Variants in TYW1B observed in about 807,000 individuals in gnomAD.
The protein encoded by TYW1B is S-adenosyl-L-methionine-dependent tRNA 4-demethylwyosine synthase TYW1B.
TYW1B carries 73 observed loss-of-function variants against 86.9 expected under a neutral mutation model. That is an observed-to-expected ratio of 0.84 (90% confidence interval 0.70 to 1.02). The LOEUF is 1.02. Among genes scored for constraint, TYW1B ranks in the 50% least tolerant of loss-of-function variants. The probability of loss-of-function intolerance (pLI) is 0.00; values close to 1 mark genes in which losing one functional copy is unlikely to be tolerated. For synonymous variants in TYW1B, 248 were observed against 292.8 expected, an observed-to-expected ratio of 0.85 and a Z score of 1.56; for missense variants, 637 against 827.4, an observed-to-expected ratio of 0.77 and a Z score of 2.82.
intron 11 of TYW1B, among the ~76,000 whole-genome samples, chr7:72,657,280 T>C (rs1455557463): frequency 5.9e-5 from 9 of 152,118 alleles, no homozygotes. Flanking sequence ...GACAAGGCTT[T>C]TGAAACAACT....
chr7:72,764,339 G>A (rs1478395609), intron 7 of TYW1B, among the ~76,000 whole-genome samples: 17 of 152,278 alleles, frequency 1.1e-4, no homozygotes, highest in Admixed American at 7.8e-4. Context: ...CTGGAGTGCA[G>A]TGGGGCGATC....
chr7:72,591,147 C>CAAA (rs879992691), intron 13 of TYW1B, among the ~76,000 whole-genome samples: 2 of 137,170 alleles, frequency 1.5e-5, no homozygotes, highest in African/African-American at 5.4e-5. Flanking sequence ...ATCCGAATAG[C>CAAA]AAAAAAAAAA....
chr7:72,769,073 G>A (rs1428326466), intron 7 of TYW1B: 19 of 380,912 alleles, frequency 5.0e-5, no homozygotes, highest in African/African-American at 2.2e-4. Flanking sequence ...CAAGGAACAC[G>A]GAGGCTAGTC....
At chr7:72,602,193 A>G (rs1209997316) in intron 13 of TYW1B, among the ~76,000 whole-genome samples, 2 of 152,186 alleles carry the variant, frequency 1.3e-5, no homozygotes, top group Admixed American at 6.6e-5. Context: ...AAACGGGTGG[A>G]GTCTGCAAGA....
chr7:72,615,163 A>C (rs1318495319), intron 13 of TYW1B, among the ~76,000 whole-genome samples: 2 of 152,258 alleles, frequency 1.3e-5, no homozygotes, highest in Non-Finnish European at 2.9e-5. Context: ...TGAAGAACTG[A>C]ATTGGCTTGA....
At chr7:72,698,593 C>T (rs1262863900) in intron 10 of TYW1B, among the ~76,000 whole-genome samples, 1 of 151,100 alleles carries the variant, frequency 6.6e-6, no homozygotes, top group East Asian at 1.9e-4. Context: ...CTGCAGTGAG[C>T]CGAGATCACG....
chr7:72,670,012 T>G (rs1813558986), intron 11 of TYW1B, among the ~76,000 whole-genome samples: 1 of 152,032 alleles, frequency 6.6e-6, no homozygotes, highest in South Asian at 2.1e-4. Flanking sequence ...ATGCCTGTAG[T>G]CTCAGCTGCT....
intron 7 of TYW1B, among the ~76,000 whole-genome samples, chr7:72,750,430 T>C (rs995284785): frequency 6.6e-6 from 1 of 152,228 alleles, no homozygotes; most frequent in Non-Finnish European, 1.5e-5. Context: ...AAACGTGCTG[T>C]CATTCAAATT....
At chr7:72,817,627 C>T (rs1357636408) in intron 2 of TYW1B, among the ~76,000 whole-genome samples, 1 of 151,928 alleles carries the variant, frequency 6.6e-6, no homozygotes, top group Non-Finnish European at 1.5e-5. Context: ...TGTCCAGGTT[C>T]TTCACATGTT....
At chr7:72,806,677 G>C (rs1418941755) in intron 5 of TYW1B, among the ~76,000 whole-genome samples, 2 of 151,618 alleles carry the variant, frequency 1.3e-5, no homozygotes, top group Admixed American at 1.3e-4. Context: ...TTGGGGCAGG[G>C]TCTCACTCTG....
chr7:72,739,048 T>A (rs1444349617), intron 8 of TYW1B, among the ~76,000 whole-genome samples: 1 of 152,130 alleles, frequency 6.6e-6, no homozygotes, highest in African/African-American at 2.4e-5. Flanking sequence ...ATTGCACCAC[T>A]GTACTCTAGC....
rs557717812 is a variant in TYW1B, at chr7:72,730,788, T to C, written c.1083-1857A>G. Among the ~76,000 whole-genome samples, 7 of 151,884 alleles carry C rather than the reference T, an allele frequency of 4.6e-5. No individual in the cohort carries two copies. In the South Asian group the frequency reaches 1.3e-3, roughly 27 times the overall value. On this transcript the variant is annotated intron_variant, in intron 8 of 13. Transcript: ENST00000620995. ...ATGAACAAATGTTTGCATTTAGGAA[T>C]TCCAGAAGGAGAACAGGTGGGAAAA...
chr7:72,711,181 A>C (rs34039079), intron 10 of TYW1B, among the ~76,000 whole-genome samples: 1 of 152,246 alleles, frequency 6.6e-6, no homozygotes, highest in African/African-American at 2.4e-5. Flanking sequence ...ATTCCTTTCC[A>C]TTCAGGTGCA....
At chr7:72,676,335 A>C (rs1554447391) in intron 11 of TYW1B, among the ~76,000 whole-genome samples, 1 of 152,222 alleles carries the variant, frequency 6.6e-6, no homozygotes, top group East Asian at 1.9e-4. Flanking sequence ...ATTTAGTAAG[A>C]GGTTGTTTAA....
At chr7:72,596,840 C>T (rs1433078142) in intron 13 of TYW1B, among the ~76,000 whole-genome samples, 1 of 151,834 alleles carries the variant, frequency 6.6e-6, no homozygotes, top group Non-Finnish European at 1.5e-5. Flanking sequence ...AAAGGCAACT[C>T]AGAAAATGGG....
chr7:72,694,541 A>T, intron 11 of TYW1B, 146 bp downstream of exon 11: 1 of 1,238,034 alleles, frequency 8.1e-7, no homozygotes, highest in Non-Finnish European at 1.1e-6. Context: ...GTCTCTAAAA[A>T]GTTGAACGCT....
At chr7:72,600,985 G>C (rs546608661) in intron 13 of TYW1B, among the ~76,000 whole-genome samples, 2 of 152,090 alleles carry the variant, frequency 1.3e-5, no homozygotes, top group East Asian at 3.9e-4. Flanking sequence ...GCGAAGCCCT[G>C]TTTCTACTAA....
In TYW1B at chr7:72,628,969, A is replaced by G; in HGVS notation, c.1535T>C (p.Leu512Pro). 1 of 1,581,666 alleles carries G rather than the reference A, an allele frequency of 6.3e-7. No individual in the cohort carries two copies. Among genetic ancestry groups the G allele is most frequent in the Non-Finnish European group, 8.6e-7 (1 of 1,164,426 alleles). Reference sequence around the variant, plus strand: ...CTCGTCCACGTTCCATGCTTTCACGAGCATCAGTCTGTAGACAGTTCGTTG... The same window carrying G: ...CTCGTCCACGTTCCATGCTTTCACGGGCATCAGTCTGTAGACAGTTCGTTG... ...KQQRTVYRLM[L>P]VKAWNVDELQ... Residue 512 changes from leucine (L) to proline (P), a missense_variant, in exon 12 of 14, where the codon CTC becomes CCC. Transcript: ENST00000620995.
intron 12 of TYW1B, among the ~76,000 whole-genome samples, chr7:72,627,668 G>A (rs1358919398): frequency 1.4e-4 from 22 of 151,980 alleles, no homozygotes; most frequent in Admixed American, 1.3e-4. Context: ...AATGTGAGAG[G>A]CAAGCAGACA....
Sources: allele counts gnomAD v4.1 joint callset (sites outside exome capture counted in the v4.1 genomes callset), GRCh38; gene constraint gnomAD v4.1.1; transcripts MANE v1.5; gene names NCBI Gene and HGNC (gene_info 2026-07-23, HGNC 2026-07-21).